Variants in ZFPM1 observed in about 807,000 individuals in gnomAD.
ZFPM1 encodes the protein zinc finger protein, FOG family member 1.
A neutral mutation model predicts 46.3 loss-of-function variants in ZFPM1; 28 were observed. That is an observed-to-expected ratio of 0.60 (90% CI 0.45 to 0.83). The LOEUF is 0.83. Ranked by LOEUF, ZFPM1 falls within the 40% of genes least tolerant of loss-of-function variation. The probability of loss-of-function intolerance (pLI) is 0.00; values close to 1 mark genes in which losing one functional copy is unlikely to be tolerated. For missense variants in ZFPM1, 1,878 were observed against 1,432.4 expected, an observed-to-expected ratio of 1.31 and a Z score of -5.02; for synonymous variants, 957 against 675.9, an observed-to-expected ratio of 1.42 and a Z score of -6.45.
intron 1 of ZFPM1, 56 bp downstream of exon 1, chr16:88,453,734 AGCCGCCAGC>A (rs1393105856): frequency 9.2e-7 from 1 of 1,088,484 alleles, no homozygotes; most frequent in Non-Finnish European, 1.1e-6. Context: ...GCCGGAGCCC[AGCCGCCAGC>A]GCCGCCCCCG....
At chr16:88,517,672 AGGTGGATGGATGGATAGATGTATG>A in intron 4 of ZFPM1, among the ~76,000 whole-genome samples, 1 of 137,064 alleles carries the variant, frequency 7.3e-6, no homozygotes, top group East Asian at 2.5e-4. Flanking sequence ...GAGGATAACC[AGGTGGATGGATGGATAGATGTATG>A]GGTGGATGGA....
chr16:88,486,338 G>A (rs562323064), intron 2 of ZFPM1, among the ~76,000 whole-genome samples: 1 of 152,340 alleles, frequency 6.6e-6, no homozygotes, highest in South Asian at 2.1e-4. Flanking sequence ...GGTTGGATGG[G>A]AATCCATGCC....
At chr16:88,502,899 C>T (rs1232766241) in intron 3 of ZFPM1, among the ~76,000 whole-genome samples, 3 of 152,254 alleles carry the variant, frequency 2.0e-5, no homozygotes, top group African/African-American at 4.8e-5. Flanking sequence ...ACACGGTGGC[C>T]GGACGGCAGA....
intron 1 of ZFPM1, among the ~76,000 whole-genome samples, chr16:88,461,705 C>T (rs1211533723): frequency 6.6e-6 from 1 of 152,190 alleles, no homozygotes; most frequent in East Asian, 1.9e-4. Context: ...GCTGGCCCTC[C>T]CCTCCTTCAG....
chr16:88,511,138 T>G (rs376810530), intron 3 of ZFPM1, among the ~76,000 whole-genome samples: 1 of 152,274 alleles, frequency 6.6e-6, no homozygotes, highest in East Asian at 1.9e-4. Flanking sequence ...CACCACCCCC[T>G]GGAAGCCCAC....
At chr16:88,464,897 C>T (rs1908063476) in intron 1 of ZFPM1, among the ~76,000 whole-genome samples, 1 of 152,240 alleles carries the variant, frequency 6.6e-6, no homozygotes, top group African/African-American at 2.4e-5. Flanking sequence ...CATTCCCCAC[C>T]AGCGATCCGC....
At position 88,469,620 on chromosome 16, in the gene ZFPM1, C is replaced by T. The variant is rs11862148; in HGVS notation, c.40+15942C>T. ...CACCCACACTGCACAGTGGGTCTTG[C>T]TGGCAAGACCAGGATGAGGCAGGCT... On this transcript the variant is annotated intron_variant, in intron 1 of 9. Transcript: ENST00000319555. This position sits in a 1 kb window ranked among gnomAD's most constrained non-coding sequence, Gnocchi z 4.3. Among the ~76,000 whole-genome samples the T allele has an allele frequency of 0.03, 4,603 of 152,320 alleles. 241 individuals are homozygous for T. The highest frequency in any genetic ancestry group is 0.11 in the African/African-American group (4,370 of 41,568).
At chr16:88,496,324 T>C (rs1909928509) in intron 3 of ZFPM1, among the ~76,000 whole-genome samples, 1 of 151,946 alleles carries the variant, frequency 6.6e-6, no homozygotes, top group African/African-American at 2.4e-5. Flanking sequence ...AGCCTGGCCT[T>C]GGAGACAGGC....
At chr16:88,532,730 G>T (rs1912892380) in intron 8 of ZFPM1, 21 bp downstream of exon 8, 2 of 1,612,464 alleles carry the variant, frequency 1.2e-6, no homozygotes, top group East Asian at 2.2e-5. Flanking sequence ...CAGGGGCCGG[G>T]GGGTGTGTGG....
chr16:88,461,067 C>CAGAAGGCCTGGTGAGGACCA (rs1567525617), intron 1 of ZFPM1, among the ~76,000 whole-genome samples: 1 of 66,918 alleles, frequency 1.5e-5, no homozygotes, highest in African/African-American at 1.1e-4. Context: ...GGTGAGGACC[C>CAGAAGGCCTGGTGAGGACCA]AGGGGCAGAA....
At chr16:88,496,552 T>C (rs1230532787) in intron 3 of ZFPM1, among the ~76,000 whole-genome samples, 3 of 151,610 alleles carry the variant, frequency 2.0e-5, no homozygotes, top group African/African-American at 7.3e-5. Context: ...GCGGCTGAGA[T>C]TGAACAGGGG....
rs373173144 is a variant in ZFPM1, at chr16:88,494,479, G to A, written c.268+5326G>A. On this transcript the variant is annotated intron_variant, in intron 3 of 9. Coordinates refer to ENST00000319555, the MANE Select transcript of ZFPM1 (RefSeq NM_153813.3). ...TGAGAGGCCGCGGGCAGAGCCTCCC[G>A]TCACAGGGACCAATCACAACACACC... 1.6e-3 allele frequency among the ~76,000 whole-genome samples: 249 copies of A among 152,178 alleles called. 1 individual carries two copies. The highest frequency in any genetic ancestry group is 5.7e-3 in the African/African-American group (238 of 41,520).
At chr16:88,519,763 TGGTGGGTGGATGGATGGATAGGAGGGTG>T (rs940299616) in intron 4 of ZFPM1, among the ~76,000 whole-genome samples, 4 of 64,780 alleles carry the variant, frequency 6.2e-5, no homozygotes, top group African/African-American at 1.2e-4. Context: ...GACAGATGGA[TGGTGGGTGGATGGATGGATAGGAGGGTG>T]GGTGGGTGGA....
intron 3 of ZFPM1, among the ~76,000 whole-genome samples, chr16:88,510,949 C>T (rs1910924236): frequency 6.6e-6 from 1 of 152,166 alleles, no homozygotes; most frequent in Non-Finnish European, 1.5e-5. Context: ...CAGTTGGGTC[C>T]GTGGGGCGGG....
chr16:88,532,930 C>T lies in ZFPM1; in HGVS notation c.1184C>T (p.Pro395Leu), dbSNP rs780310555. The T allele has an allele frequency of 6.2e-7, 1 of 1,613,002 alleles. No homozygotes were observed. The highest frequency in any genetic ancestry group is 1.3e-5 in the African/African-American group (1 of 75,058). ...GCCGGACACCCAGCAACCAAGCTGCCCCCAGGTGAGCAGCCCTGTGGGGGC... is the reference window on the plus strand; with the variant it reads ...GCCGGACACCCAGCAACCAAGCTGCTCCCAGGTGAGCAGCCCTGTGGGGGC... ...PGAGHPATKL[P>L]PDSLGSFQQQ... The change falls in exon 9 of 10, where the codon CCC (proline) becomes CTC (leucine). Residue 395 changes from proline (P) to leucine (L), a missense_variant. Pro to Leu is a moderately conservative substitution (Grantham distance 98). Coordinates refer to ENST00000319555, the MANE Select transcript of ZFPM1 (RefSeq NM_153813.3).
intron 4 of ZFPM1, among the ~76,000 whole-genome samples, chr16:88,517,301 G>T (rs1480857021): frequency 6.7e-6 from 1 of 148,668 alleles, no homozygotes. Flanking sequence ...TGAGTGGGTG[G>T]ATGGACAGAT....
chr16:88,453,952 C>G (rs1243954169), intron 1 of ZFPM1, among the ~76,000 whole-genome samples: 1 of 152,118 alleles, frequency 6.6e-6, no homozygotes, highest in African/African-American at 2.4e-5. Context: ...CCGGGCAGCT[C>G]GGCCCCTCGC....
In ZFPM1 at chr16:88,534,637, G is replaced by A; in HGVS notation, c.2679G>A (p.Arg893=). The change falls in exon 10 of 10, where the codon CGG becomes CGA. Residue 893 remains arginine (R), a synonymous_variant. Transcript: ENST00000319555. ...APLAGPGVEA[R]TPADRGPSPA... is the part of the protein sequence containing the mutation. ...TGGCCGGCCCGGGGGTCGAGGCCCG[G>A]ACGCCGGCCGACCGCGGCCCCTCGC... is the stretch of plus-strand genomic sequence containing the variant. 1 of 1,052,472 alleles carries A rather than the reference G, an allele frequency of 9.5e-7. No homozygotes were observed. The highest frequency in any genetic ancestry group is 1.1e-6 in the Non-Finnish European group (1 of 875,848). The allele number at this position is 1,052,472 out of a possible 1,614,324, so 65.2% of individuals were successfully genotyped here.
At chr16:88,525,504 G>A (rs1453397985) in intron 4 of ZFPM1, among the ~76,000 whole-genome samples, 2 of 152,248 alleles carry the variant, frequency 1.3e-5, no homozygotes, top group Admixed American at 1.3e-4. Context: ...GCATTCATTT[G>A]TATAGAACAA....
Sources: gnomAD v4.1 joint callset for allele counts (sites outside exome capture counted in the v4.1 genomes callset) on GRCh38, gnomAD v4.1.1 for gene constraint, Gnocchi (gnomAD v3.1) non-coding constraint, MANE v1.5 for transcripts, NCBI Gene and HGNC (gene_info 2026-07-23, HGNC 2026-07-21) for gene names.